The following KIAA1958 variants were observed in gnomAD, a reference collection of about 807,000 sequenced individuals.
KIAA1958 encodes KIAA1958.
A neutral mutation model predicts 47.2 loss-of-function variants in KIAA1958; 14 were observed. That is an observed-to-expected ratio of 0.30 (90% CI 0.20 to 0.46). KIAA1958 has a LOEUF of 0.46. Ranked by LOEUF, KIAA1958 falls within the 20% of genes least tolerant of loss-of-function variation. The pLI is 1.00. For synonymous variants in KIAA1958, 354 were observed against 353.3 expected (o/e 1.00, Z -0.02); for missense variants, 803 against 909.2 (o/e 0.88, Z 1.50).
intron 2 of KIAA1958, among the ~76,000 whole-genome samples, chr9:112,591,467 A>G (rs999926295): frequency 4.6e-5 from 7 of 152,178 alleles, no homozygotes; most frequent in African/African-American, 1.7e-4. Context: ...TAATTTTGCT[A>G]TTATATATTT....
intron 1 of KIAA1958, among the ~76,000 whole-genome samples, chr9:112,509,038 T>A (rs1243716515): frequency 1.3e-5 from 2 of 151,912 alleles, no homozygotes; most frequent in Non-Finnish European, 2.9e-5. Context: ...CCTCGAAAGA[T>A]AACATATGGT....
In KIAA1958 at chr9:112,574,687, A is replaced by G. The variant is rs573303604; in HGVS notation, c.607A>G (p.Ile203Val). The change falls in exon 2 of 4, where the codon ATC (isoleucine) becomes GTC (valine). Residue 203 changes from isoleucine (I) to valine (V), a missense_variant. Around this residue, in one of 2 missense-constraint regions of KIAA1958, gnomAD observed 761 missense variants for 829.3 expected, o/e 0.92. Transcript: ENST00000337530. Reference protein sequence around the residue: ...ECSNDVIIKKIKQEIPEDYYI... With the variant: ...ECSNDVIIKKVKQEIPEDYYI... ...CAGCAATGATGTCATCATCAAGAAA[A>G]TCAAACAAGAAATCCCCGAAGATTA... is the stretch of plus-strand genomic sequence containing the variant. 2 of 1,614,160 alleles carry G rather than the reference A, an allele frequency of 1.2e-6. No homozygotes were observed. Among genetic ancestry groups the G allele is most frequent in the Admixed American group, 3.3e-5 (2 of 60,028 alleles).
chr9:112,487,987 G>A (rs979143254), intron 1 of KIAA1958, among the ~76,000 whole-genome samples: 1 of 143,570 alleles, frequency 7.0e-6, no homozygotes, highest in African/African-American at 2.5e-5. Context: ...TGAAGTTTAG[G>A]AGTAAAGTTT....
intron 3 of KIAA1958, among the ~76,000 whole-genome samples, chr9:112,648,737 A>G (rs2131245668): frequency 6.6e-6 from 1 of 152,366 alleles, no homozygotes; most frequent in East Asian, 1.9e-4. Flanking sequence ...AGCATTTTCA[A>G]GTAACTTAAT....
intron 1 of KIAA1958, among the ~76,000 whole-genome samples, chr9:112,561,777 C>A (rs546113053): frequency 6.6e-6 from 1 of 152,280 alleles, no homozygotes; most frequent in South Asian, 2.1e-4. Context: ...ATCACTTGAA[C>A]CCAGCATGCA....
At position 112,660,190 on chromosome 9, in the gene KIAA1958, C is replaced by T. The variant is rs1004851626; in HGVS notation, c.*121C>T. 1 of 734,822 alleles carries T rather than the reference C, an allele frequency of 1.4e-6. No homozygotes were observed. The highest frequency in any genetic ancestry group is 2.6e-5 in the Admixed American group (1 of 37,808). The allele number at this position is 734,822 out of a possible 1,614,324, so 45.5% of individuals were successfully genotyped here. On this transcript the variant is annotated 3_prime_UTR_variant, in exon 4 of 4. Transcript: ENST00000337530. ...TGACCTCCCGGTCTGGCGGCTCTCC[C>T]CTGGTGTGGCCTGCCCTCCCTTTGA...
chr9:112,561,141 G>A (rs1444337110), intron 1 of KIAA1958, among the ~76,000 whole-genome samples: 4 of 149,982 alleles, frequency 2.7e-5, no homozygotes, highest in Non-Finnish European at 5.9e-5. Context: ...TGCAAGCTCC[G>A]CCTCCCAGGT....
In KIAA1958 at chr9:112,574,974, T is replaced by A; in HGVS notation, c.894T>A (p.Gly298=). 6.2e-7 allele frequency: 1 copy of A among 1,614,138 alleles called. No individual in the cohort carries two copies. Among genetic ancestry groups the A allele is most frequent in the African/African-American group, 1.3e-5 (1 of 75,032 alleles). The change falls in exon 2 of 4, where the codon GGT becomes GGA. Residue 298 remains glycine, a synonymous_variant. Coordinates refer to ENST00000337530, the MANE Select transcript of KIAA1958 (RefSeq NM_133465.4). ...CTTCACCAAACAGAGGACCCCCTGG[T>A]ACACATGGCACCAACCAACAGGTGG... The part of the protein sequence containing the change: ...SLASPNRGPP[G]THGTNQQVAM...
At chr9:112,527,901 T>C (rs1834685323) in intron 1 of KIAA1958, among the ~76,000 whole-genome samples, 1 of 149,182 alleles carries the variant, frequency 6.7e-6, no homozygotes, top group Non-Finnish European at 1.5e-5. Context: ...TGTGCCACTG[T>C]ACTCCAGCCT....
intron 1 of KIAA1958, among the ~76,000 whole-genome samples, chr9:112,544,132 G>C (rs1330065474): frequency 6.6e-6 from 1 of 152,016 alleles, no homozygotes; most frequent in East Asian, 1.9e-4. Context: ...CAGCTTCACA[G>C]AATACTAGAT....
At chr9:112,539,180 A>G (rs1024869904) in intron 1 of KIAA1958, among the ~76,000 whole-genome samples, 1 of 152,240 alleles carries the variant, frequency 6.6e-6, no homozygotes, top group South Asian at 2.1e-4. Flanking sequence ...ATGACACAGC[A>G]GTTCAGCTCC....
rs184226990 is a variant in KIAA1958 at position 112,663,884 on chromosome 9, G to C, written c.*3815G>C. ...CATCAAGCATTATATGCCACACTCA[G>C]CATTTTCATAGACATAGTCATTAGG... On this transcript the variant is annotated 3_prime_UTR_variant, in exon 4 of 4. Coordinates refer to ENST00000337530, the MANE Select transcript of KIAA1958 (RefSeq NM_133465.4). 5.9e-5 allele frequency: 9 copies of C among 152,326 alleles called. No individual in the cohort carries two copies. The highest frequency in any genetic ancestry group is 1.4e-4 in the African/African-American group (6 of 41,576). The allele number at this position is 152,326 out of a possible 1,614,324, so 9.4% of individuals were successfully genotyped here.
chr9:112,530,086 AC>A (rs2132809959), intron 1 of KIAA1958, among the ~76,000 whole-genome samples: 1 of 151,956 alleles, frequency 6.6e-6, no homozygotes, highest in South Asian at 2.1e-4. Flanking sequence ...CTCGTGATCC[AC>A]CCGCCTTGGC....
intron 2 of KIAA1958, among the ~76,000 whole-genome samples, chr9:112,606,639 A>C (rs1836241152): frequency 1.3e-5 from 2 of 152,258 alleles, no homozygotes; most frequent in African/African-American, 4.8e-5. Context: ...TCAGCATTAG[A>C]TAAAACAACA....
chr9:112,615,352 G>A (rs1412418803), intron 2 of KIAA1958, among the ~76,000 whole-genome samples: 1 of 151,282 alleles, frequency 6.6e-6, no homozygotes, highest in Non-Finnish European at 1.5e-5. Flanking sequence ...CCTAGAAGGC[G>A]GAGGTTGCAG....
At chr9:112,608,360 A>G (rs1836270751) in intron 2 of KIAA1958, among the ~76,000 whole-genome samples, 1 of 152,248 alleles carries the variant, frequency 6.6e-6, no homozygotes, top group South Asian at 2.1e-4. Flanking sequence ...AAATAATATG[A>G]TTAAAAGCTA....
chr9:112,612,312 G>T (rs148272627), intron 2 of KIAA1958, among the ~76,000 whole-genome samples: 4 of 152,016 alleles, frequency 2.6e-5, no homozygotes, highest in African/African-American at 9.7e-5. Context: ...GCCCAGCTAC[G>T]TTGGAGGATT....
intron 1 of KIAA1958, among the ~76,000 whole-genome samples, chr9:112,521,065 A>G (rs527565140): frequency 1.3e-5 from 2 of 152,016 alleles, no homozygotes; most frequent in East Asian, 3.9e-4. Context: ...TGGGTTTAAT[A>G]TTTAAACAAT....
chr9:112,587,719 T>G (rs1364259534), intron 2 of KIAA1958, among the ~76,000 whole-genome samples: 1 of 152,186 alleles, frequency 6.6e-6, no homozygotes, highest in Admixed American at 6.5e-5. Flanking sequence ...ATTTTTGTCA[T>G]GGTAATACAT....
Sources: allele counts gnomAD v4.1 joint callset (sites outside exome capture counted in the v4.1 genomes callset), GRCh38; gene constraint gnomAD v4.1.1; regional missense constraint gnomAD v4.1.1; transcripts MANE v1.5; gene names NCBI Gene and HGNC (gene_info 2026-07-23, HGNC 2026-07-21).